SLC71A1: variants seen among roughly 807,000 people sequenced by gnomAD.
The protein encoded by SLC71A1 is solute carrier family 71 member 1.
At chr1:100,040,679 C>T in the SLC71A1 span, among the ~76,000 whole-genome samples, 1 of 152,138 alleles carries the variant, frequency 6.6e-6, no homozygotes, top group African/African-American at 2.4e-5. Flanking sequence ...TCAGGCTGGT[C>T]TTGAACTCCT....
At chr1:100,058,839 A>G in the SLC71A1 span, 1 of 556,690 alleles carries the variant, frequency 1.8e-6, no homozygotes, top group African/African-American at 1.9e-5. Flanking sequence ...ATGTTTGTTT[A>G]CTGATTAATA....
the SLC71A1 span, among the ~76,000 whole-genome samples, chr1:100,052,494 C>T: frequency 3.4e-5 from 5 of 145,452 alleles, no homozygotes; most frequent in African/African-American, 1.3e-4. Context: ...TGCAGAGGCA[C>T]GATCTTGGCT....
the SLC71A1 span, among the ~76,000 whole-genome samples, chr1:100,039,464 A>G: frequency 6.6e-6 from 1 of 152,224 alleles, no homozygotes; most frequent in Non-Finnish European, 1.5e-5. Flanking sequence ...AAAACTTGAG[A>G]CATATGTAAT....
the SLC71A1 span, among the ~76,000 whole-genome samples, chr1:100,057,379 G>A: frequency 6.9e-6 from 1 of 145,214 alleles, no homozygotes; most frequent in Non-Finnish European, 1.5e-5. Context: ...TTTTAAGACA[G>A]GCTATTACTC....
chr1:100,073,755 T>C, the SLC71A1 span, among the ~76,000 whole-genome samples: 1 of 152,224 alleles, frequency 6.6e-6, no homozygotes, highest in African/African-American at 2.4e-5. Context: ...TTGGCAAATA[T>C]TTGTTGACAG....
At chr1:100,066,764 C>T in the SLC71A1 span, among the ~76,000 whole-genome samples, 5,405 of 151,878 alleles carry the variant, frequency 0.036, 308 homozygotes, top group African/African-American at 0.11. Flanking sequence ...CCGAGGCGGG[C>T]GGATCACGAG....
the SLC71A1 span, among the ~76,000 whole-genome samples, chr1:100,053,263 G>C: frequency 2.0e-5 from 3 of 152,206 alleles, no homozygotes; most frequent in Admixed American, 6.5e-5. Flanking sequence ...TTGGGCCCCA[G>C]TACTCCTCCC....
the SLC71A1 span, among the ~76,000 whole-genome samples, chr1:100,057,494 G>A: frequency 2.0e-5 from 3 of 151,478 alleles, no homozygotes; most frequent in Non-Finnish European, 4.4e-5. Context: ...AGCTTGGATT[G>A]CAGGCGCCTG....
chr1:100,062,616 A>G, the SLC71A1 span, among the ~76,000 whole-genome samples: 26 of 152,342 alleles, frequency 1.7e-4, no homozygotes, highest in African/African-American at 6.0e-4. Flanking sequence ...ACAGTGATGC[A>G]TTTCGGTAAA....
At chr1:100,069,888 A>C in the SLC71A1 span, among the ~76,000 whole-genome samples, 4 of 152,210 alleles carry the variant, frequency 2.6e-5, no homozygotes, top group African/African-American at 9.6e-5. Context: ...ATATAAACGT[A>C]AAAGCTAGTT....
At chr1:100,077,434 A>G in the SLC71A1 span, among the ~76,000 whole-genome samples, 1 of 152,102 alleles carries the variant, frequency 6.6e-6, no homozygotes, top group Admixed American at 6.6e-5. Context: ...TTGTATATTT[A>G]TATGTTCTCC....
chr1:100,071,228 G>C, the SLC71A1 span, among the ~76,000 whole-genome samples: 7 of 148,290 alleles, frequency 4.7e-5, no homozygotes, highest in Admixed American at 4.8e-4. Context: ...CAAGGTCAGG[G>C]ACCGCTTGAG....
the SLC71A1 span, among the ~76,000 whole-genome samples, chr1:100,041,744 T>G: frequency 1.3e-5 from 2 of 152,102 alleles, no homozygotes; most frequent in Non-Finnish European, 2.9e-5. Context: ...GCCAACATGG[T>G]GAAACCCCAT....
At chr1:100,062,736 A>G in the SLC71A1 span, among the ~76,000 whole-genome samples, 337 of 152,232 alleles carry the variant, frequency 2.2e-3, no homozygotes, top group Admixed American at 3.5e-3. Flanking sequence ...AAGAATCATA[A>G]GATTTTTGGG....
the SLC71A1 span, among the ~76,000 whole-genome samples, chr1:100,057,518 C>G: frequency 6.6e-6 from 1 of 151,908 alleles, no homozygotes; most frequent in Non-Finnish European, 1.5e-5. Context: ...CCACGCCTGG[C>G]TAATTTTTGT....
the SLC71A1 span, among the ~76,000 whole-genome samples, chr1:100,045,918 T>G: frequency 2.0e-5 from 3 of 152,320 alleles, no homozygotes; most frequent in African/African-American, 7.2e-5. Context: ...ATTTAAGTCT[T>G]TAATCCATTT....
chr1:100,040,992 T>A, the SLC71A1 span, among the ~76,000 whole-genome samples: 8 of 152,204 alleles, frequency 5.3e-5, no homozygotes. Context: ...ATGGTACTGA[T>A]TTGATCCCCC....
the SLC71A1 span, among the ~76,000 whole-genome samples, chr1:100,049,638 C>T: frequency 6.6e-6 from 1 of 152,274 alleles, no homozygotes; most frequent in South Asian, 2.1e-4. Context: ...TTCAGCCTTC[C>T]TCCTGGAAGT....
At chr1:100,080,455 C>A in the SLC71A1 span, 52 of 1,552,734 alleles carry the variant, frequency 3.3e-5, no homozygotes, top group African/African-American at 2.5e-4. Flanking sequence ...GGAAAAAAAA[C>A]CAGGTAGTTT....
Sources: allele counts gnomAD v4.1 joint callset (sites outside exome capture counted in the v4.1 genomes callset), GRCh38; gene constraint gnomAD v4.1.1; transcripts MANE v1.5; gene names NCBI Gene and HGNC (gene_info 2026-07-23, HGNC 2026-07-21).